CAD: variants seen among roughly 807,000 people sequenced by gnomAD.
CAD encodes carbamoyl-phosphate synthetase 2, aspartate transcarbamylase, and dihydroorotase, also known as multifunctional protein CAD.
CAD carries 81 observed loss-of-function variants against 237.2 expected under a neutral mutation model. That is an observed-to-expected ratio of 0.34 (90% confidence interval 0.29 to 0.41). CAD has a LOEUF of 0.41. Ranked by LOEUF, CAD falls within the 10% of genes least tolerant of loss-of-function variation. The pLI is 1.00. For missense variants in CAD, 2,181 were observed against 2,951.7 expected (o/e 0.74, Z 6.05); for synonymous variants, 1,196 against 1,162.8 (o/e 1.03, Z -0.58).
At chr2:27,243,062 G>A in intron 42 of CAD, 89 bp downstream of exon 42, 1 of 1,362,924 alleles carries the variant, frequency 7.3e-7, no homozygotes, top group Non-Finnish European at 1.0e-6. Flanking sequence ...GGCTGGGTCA[G>A]AGCTGTTAAA....
At position 27,237,456 on chromosome 2, in the gene CAD, G is replaced by A; in HGVS notation, c.4474G>A (p.Ala1492Thr). 6.2e-7 allele frequency: 1 copy of A among 1,614,208 alleles called. No homozygotes were observed. Among genetic ancestry groups the A allele is most frequent in the Non-Finnish European group, 8.5e-7 (1 of 1,180,026 alleles). The part of the protein sequence containing the change: ...KEDFASGTAA[A>T]LAGGITMVCA... ...GGACTTTGCTTCAGGCACAGCCGCT[G>A]CCCTGGCTGGGGGTATCACCATGGT... The change falls in exon 28 of 44, where the codon GCC becomes ACC. Residue 1492 changes from alanine (A) to threonine (T), a missense_variant. Around this residue, in one of 12 missense-constraint regions of CAD, gnomAD observed 478 missense variants for 515.0 expected, o/e 0.93. Transcript: ENST00000264705. This position sits in a 1 kb window ranked among gnomAD's most constrained non-coding sequence, Gnocchi z 4.0.
chr2:27,229,797 C>T (rs1288136089), intron 15 of CAD, among the ~76,000 whole-genome samples: 1 of 142,502 alleles, frequency 7.0e-6, no homozygotes, highest in Non-Finnish European at 1.5e-5. Context: ...AATCGCTTGA[C>T]CTCAGGAAGC....
chr2:27,217,993 A>G lies in CAD; in HGVS notation c.199A>G (p.Met67Val). ...CAACTATGGCATCCCCCCAGATGAA[A>G]TGGATGAGTTCGGTCTCTGCAAGGT... The part of the protein sequence containing the change: ...IGNYGIPPDE[M>V]DEFGLCKWFE... The change falls in exon 2 of 44, where the codon ATG becomes GTG. Residue 67 changes from methionine to valine, a missense_variant. Transcript: ENST00000264705. 3 of 1,610,586 alleles carry G rather than the reference A, an allele frequency of 1.9e-6. No homozygotes were observed. The highest frequency in any genetic ancestry group is 1.7e-6 in the Non-Finnish European group (2 of 1,178,178).
At chr2:27,224,688 G>A in intron 9 of CAD, 57 bp from the exon 10 acceptor site, 1 of 1,609,972 alleles carries the variant, frequency 6.2e-7, no homozygotes, top group Non-Finnish European at 8.5e-7. Context: ...CTACTCTAAG[G>A]CTGTTTGCAA....
intron 15 of CAD, 74 bp downstream of exon 15, chr2:27,227,036 G>T (rs1675476593): frequency 2.2e-6 from 3 of 1,369,478 alleles, no homozygotes; most frequent in African/African-American, 2.9e-5. Flanking sequence ...GAGTTCCCTG[G>T]CATGGCCTTT....
intron 2 of CAD, among the ~76,000 whole-genome samples, chr2:27,220,504 G>A (rs1412424399): frequency 6.6e-6 from 1 of 151,736 alleles, no homozygotes; most frequent in Non-Finnish European, 1.5e-5. Context: ...CAAAAAATTA[G>A]CCAGGTGTGA....
chr2:27,222,440 G>A, intron 4 of CAD, 79 bp from the exon 5 acceptor site: 1 of 1,570,496 alleles, frequency 6.4e-7, no homozygotes, highest in South Asian at 1.1e-5. Flanking sequence ...AGGCTTTGAA[G>A]GTAGGAGTTG....
intron 22 of CAD, 58 bp from the exon 23 acceptor site, chr2:27,234,460 A>G (rs1257945301): frequency 1.8e-5 from 28 of 1,527,164 alleles, no homozygotes; most frequent in African/African-American, 2.7e-5. Flanking sequence ...GTCTAGGCCT[A>G]TAGATAGTGT....
Position 27,240,465 on chromosome 2 carries a change from T to A in CAD, c.5593+104T>A. The A allele has an allele frequency of 6.8e-7, 1 of 1,479,306 alleles. No individual in the cohort carries two copies. The highest frequency in any genetic ancestry group is 1.1e-5 in the South Asian group (1 of 87,150). The allele number at this position is 1,479,306 out of a possible 1,614,324, so 91.6% of individuals were successfully genotyped here. On this transcript the variant is annotated intron_variant, in intron 35 of 43. Transcript: ENST00000264705. This position sits in a 1 kb window ranked among gnomAD's most constrained non-coding sequence, Gnocchi z 4.6. ...TTACATGTCCTCCTCTCCATCCCTT[T>A]ATCCTCGTCTGATCTGCCGTGCCAT...
At chr2:27,223,790 T>C in intron 7 of CAD, 42 bp downstream of exon 7, 11 of 1,603,174 alleles carry the variant, frequency 6.9e-6, no homozygotes, top group Non-Finnish European at 8.5e-6. Flanking sequence ...TGAAGCCCTG[T>C]GGGCCTTGAT....
chr2:27,237,364 T>G lies in CAD; in HGVS notation c.4397-15T>G, dbSNP rs958339222. 2 of 1,612,884 alleles carry G rather than the reference T, an allele frequency of 1.2e-6. No homozygotes were observed. The highest frequency in any genetic ancestry group is 1.7e-6 in the Non-Finnish European group (2 of 1,178,998). On this transcript the variant is annotated splice_polypyrimidine_tract_variant and intron_variant, in intron 27 of 43. Coordinates refer to ENST00000264705, the MANE Select transcript of CAD (RefSeq NM_004341.5). The surrounding 1 kb of genome is among the most constrained non-coding windows in gnomAD (Gnocchi z 4.0). ...TGAATCTTCCTGTAATCTTGCTGCT[T>G]CCATTTTCTCCCAGGATTGATTGAT... is the stretch of plus-strand genomic sequence containing the variant.
Position 27,232,575 on chromosome 2 carries a change from A to G in CAD, c.2773A>G (p.Thr925Ala), listed in dbSNP as rs949054958. The G allele has an allele frequency of 1.2e-6, 2 of 1,614,080 alleles. No individual in the cohort carries two copies. Among genetic ancestry groups the G allele is most frequent in the Admixed American group, 1.7e-5 (1 of 60,012 alleles). The change falls in exon 18 of 44, where the codon ACC becomes GCC. Residue 925 changes from threonine to alanine, a missense_variant. Thr to Ala is a moderately conservative substitution (Grantham distance 58, BLOSUM62 0). Around this residue, in one of 12 missense-constraint regions of CAD, gnomAD observed 385 missense variants for 535.1 expected, o/e 0.72. Coordinates refer to ENST00000264705, the MANE Select transcript of CAD (RefSeq NM_004341.5). This position sits in a 1 kb window ranked among gnomAD's most constrained non-coding sequence, Gnocchi z 4.1. The stretch of plus-strand genomic sequence containing the variant: ...CCTATACCTAACGTATTGGGGCACC[A>G]CCCATGACCTCACCTTTCGAACACC... ...NYLYLTYWGT[T>A]HDLTFRTPHV...
At chr2:27,223,523 G>A in intron 6 of CAD, 40 bp from the exon 7 acceptor site, 1 of 1,589,098 alleles carries the variant, frequency 6.3e-7, no homozygotes, top group Admixed American at 1.7e-5. Context: ...GTGAAGAGAG[G>A]GTGAGCAGGG....
intron 7 of CAD, 73 bp downstream of exon 7, chr2:27,223,821 C>T: frequency 3.8e-6 from 6 of 1,567,764 alleles, no homozygotes; most frequent in Non-Finnish European, 4.4e-6. Context: ...TAAAGCACGG[C>T]AGTGGATCCG....
Position 27,237,732 on chromosome 2 carries a change from C to T in CAD, c.4578C>T (p.Gly1526=), listed in dbSNP as rs140814058. The stretch of plus-strand genomic sequence containing the variant: ...ATCCTCTCCAGCTGGCAGAGGCTGG[C>T]GCCCGGTGCGACTTTGCGCTATTCC... ...LALAQKLAEA[G]ARCDFALFLG... The change falls in exon 29 of 44, where the codon GGC becomes GGT. Residue 1526 remains glycine, a synonymous_variant. Transcript: ENST00000264705. This position sits in a 1 kb window ranked among gnomAD's most constrained non-coding sequence, Gnocchi z 4.0. The T allele has an allele frequency of 4.8e-4, 779 of 1,612,988 alleles. No individual in the cohort carries two copies. Among genetic ancestry groups the T allele is most frequent in the Non-Finnish European group, 6.0e-4 (704 of 1,179,446 alleles).
chr2:27,223,439 AAAAAAAAC>A, intron 6 of CAD, 116 bp from the exon 7 acceptor site: 1 of 949,164 alleles, frequency 1.1e-6, no homozygotes, highest in South Asian at 1.7e-5. Context: ...TCAAAAAAAA[AAAAAAAAC>A]AAAAAGGAAA....
chr2:27,224,261 CT>C, intron 8 of CAD, 83 bp from the exon 9 acceptor site: 1 of 1,492,454 alleles, frequency 6.7e-7, no homozygotes, highest in Non-Finnish European at 9.2e-7. Flanking sequence ...GCTCTGGACT[CT>C]TCTGAAAGCG....
chr2:27,225,293 G>A, intron 11 of CAD, 50 bp downstream of exon 11: 1 of 831,736 alleles, frequency 1.2e-6, no homozygotes, highest in Non-Finnish European at 1.9e-6. Context: ...TTTTTTGGTA[G>A]TGTTATTTTC....
Position 27,226,555 on chromosome 2 carries a change from T to G in CAD, c.2062T>G (p.Ser688Ala). The G allele has an allele frequency of 6.2e-7, 1 of 1,614,178 alleles. No homozygotes were observed. Among genetic ancestry groups the G allele is most frequent in the South Asian group, 1.1e-5 (1 of 91,084 alleles). ...YYIIEVNARL[S>A]RSSALASKAT... ...CATCATTGAAGTGAATGCCAGGCTC[T>G]CTCGCAGCTCTGCCCTGGCCAGTAA... Residue 688 changes from serine to alanine, a missense_variant, in exon 14 of 44, where the codon TCT becomes GCT. Around this residue, in one of 12 missense-constraint regions of CAD, gnomAD observed 385 missense variants for 535.1 expected, o/e 0.72. Transcript: ENST00000264705.
Sources: allele counts gnomAD v4.1 joint callset (sites outside exome capture counted in the v4.1 genomes callset), GRCh38; gene constraint gnomAD v4.1.1; regional missense constraint gnomAD v4.1.1; non-coding constraint Gnocchi (gnomAD v3.1); transcripts MANE v1.5; gene names NCBI Gene and HGNC (gene_info 2026-07-23, HGNC 2026-07-21).